NCALD: variants seen among roughly 807,000 people sequenced by gnomAD.
NCALD encodes neurocalcin delta, also known as neurocalcin-delta.
A neutral mutation model predicts 18.6 loss-of-function variants in NCALD; 10 were observed. That is an observed-to-expected ratio of 0.54 (90% confidence interval 0.33 to 0.91). The LOEUF (loss-of-function observed/expected upper bound fraction) is 0.91, where lower values mean the gene tolerates loss of function less well. Among genes scored for constraint, NCALD ranks in the 40% least tolerant of loss-of-function variants. The pLI, the probability that NCALD is intolerant of heterozygous loss-of-function variation, is 0.03. For synonymous variants in NCALD, 88 were observed against 87.4 expected, an observed-to-expected ratio of 1.01 and a Z score of -0.04; for missense variants, 184 against 247.6, an observed-to-expected ratio of 0.74 and a Z score of 1.72.
chr8:102,064,686 G>A (rs1322661493), intron 1 of NCALD, among the ~76,000 whole-genome samples: 2 of 152,172 alleles, frequency 1.3e-5, no homozygotes, highest in African/African-American at 4.8e-5. Flanking sequence ...GTCAAGTGCA[G>A]TGTCTACAGG....
chr8:101,812,072 C>T (rs1269457240), intron 4 of NCALD, among the ~76,000 whole-genome samples: 1 of 152,152 alleles, frequency 6.6e-6, no homozygotes, highest in African/African-American at 2.4e-5. Flanking sequence ...CCTGTTAAAC[C>T]TGCCTTGAGG....
At chr8:101,923,840 A>C (rs781202635) in intron 2 of NCALD, among the ~76,000 whole-genome samples, 1 of 152,198 alleles carries the variant, frequency 6.6e-6, no homozygotes, top group Admixed American at 6.5e-5. Flanking sequence ...TGTAACATGG[A>C]ATATTTGAGC....
At chr8:101,787,512 T>C (rs930667852) in intron 1 of NCALD, among the ~76,000 whole-genome samples, 4 of 152,258 alleles carry the variant, frequency 2.6e-5, no homozygotes, top group African/African-American at 9.6e-5. Context: ...ACATTCTGAA[T>C]ATAGGGCTGT....
At chr8:101,946,529 G>T (rs947547657) in intron 2 of NCALD, among the ~76,000 whole-genome samples, 2 of 152,010 alleles carry the variant, frequency 1.3e-5, no homozygotes, top group Non-Finnish European at 2.9e-5. Flanking sequence ...TAACATGTCA[G>T]AACGGTATCT....
intron 3 of NCALD, among the ~76,000 whole-genome samples, chr8:101,891,844 C>T (rs1816905438): frequency 6.6e-6 from 1 of 152,226 alleles, no homozygotes; most frequent in South Asian, 2.1e-4. Flanking sequence ...ATATCCCACA[C>T]CTGGCTCGGA....
chr8:102,117,082 G>A (rs888836962), intron 1 of NCALD, among the ~76,000 whole-genome samples: 5 of 152,150 alleles, frequency 3.3e-5, no homozygotes, highest in Non-Finnish European at 7.3e-5. Flanking sequence ...GGATGAAGTC[G>A]CCCCTAGAAT....
At chr8:101,750,172 G>A (rs1810592886) in intron 1 of NCALD, 1 of 152,100 alleles carries the variant, frequency 6.6e-6, no homozygotes. Flanking sequence ...ACTGTAACGA[G>A]AACAGAATGA....
At chr8:102,060,803 A>G (rs1446492654) in intron 1 of NCALD, among the ~76,000 whole-genome samples, 2 of 152,236 alleles carry the variant, frequency 1.3e-5, no homozygotes, top group East Asian at 3.8e-4. Context: ...CTTCACCAGA[A>G]GTAAAACATT....
At chr8:101,722,016 A>AT (rs1217437185) in intron 1 of NCALD, among the ~76,000 whole-genome samples, 1 of 151,894 alleles carries the variant, frequency 6.6e-6, no homozygotes, top group Non-Finnish European at 1.5e-5. Flanking sequence ...TAAATTTTTT[A>AT]TTTTTTGTAG....
Position 101,892,289 on chromosome 8 carries a change from T to G in NCALD, c.-106-5062A>C, listed in dbSNP as rs1816935562. On this transcript the variant is annotated intron_variant, in intron 3 of 6. Transcript: ENST00000311028. The stretch of plus-strand genomic sequence containing the variant: ...ACACGGCAGGGTATTCCAACAGACC[T>G]GCAGCTGAGGGTCCTGTCTGTTAGA... Among the ~76,000 whole-genome samples the G allele has an allele frequency of 1.4e-5, 2 of 145,882 alleles. 1 individual carries two copies. The highest frequency in any genetic ancestry group is 4.3e-4 in the South Asian group (2 of 4,642).
intron 1 of NCALD, among the ~76,000 whole-genome samples, chr8:102,038,988 A>G (rs35793392): frequency 0.13 from 19,749 of 152,176 alleles, 1,401 homozygotes; most frequent in African/African-American, 0.18. Flanking sequence ...GCAAGGAATC[A>G]CAGGAGCCCT....
At chr8:101,753,322 A>G (rs1010561496) in intron 1 of NCALD, among the ~76,000 whole-genome samples, 4 of 152,208 alleles carry the variant, frequency 2.6e-5, no homozygotes, top group Non-Finnish European at 5.9e-5. Flanking sequence ...AGATATTGAG[A>G]ACCTGGACAA....
At position 101,687,751 on chromosome 8, in the gene NCALD, T is replaced by G. The variant is rs1814530661; in HGVS notation, c.*1558A>C. 1 of 152,224 alleles carries G rather than the reference T, an allele frequency of 6.6e-6. No individual in the cohort carries two copies. The highest frequency in any genetic ancestry group is 6.5e-5 in the Admixed American group (1 of 15,272). 9.4% of individuals were successfully genotyped at this position (152,224 alleles called of 1,614,324 possible). ...AACCTTGAGAATTTGGGCCTCCCTT[T>G]GCTAACTACTTGCAAGAGTATGACT... On this transcript the variant is annotated 3_prime_UTR_variant, in exon 4 of 4. Coordinates refer to ENST00000220931, the MANE Select transcript of NCALD (RefSeq NM_032041.3).
chr8:101,747,981 G>C (rs1304813185), intron 1 of NCALD, among the ~76,000 whole-genome samples: 1 of 152,164 alleles, frequency 6.6e-6, no homozygotes, highest in African/African-American at 2.4e-5. Flanking sequence ...GCCTCCCAAA[G>C]TGCTGGGATT....
intron 2 of NCALD, among the ~76,000 whole-genome samples, chr8:102,004,074 A>C (rs1474131197): frequency 6.6e-6 from 1 of 151,336 alleles, no homozygotes; most frequent in Non-Finnish European, 1.5e-5. Flanking sequence ...AATTAGGAAA[A>C]GAGGAAGTCA....
chr8:102,003,138 C>A (rs1353069591), intron 2 of NCALD, among the ~76,000 whole-genome samples: 7 of 151,838 alleles, frequency 4.6e-5, no homozygotes, highest in African/African-American at 1.7e-4. Flanking sequence ...ACTAGCAAGA[C>A]TAATAAAGAA....
chr8:101,791,753 C>T (rs1812454740), upstream of NCALD, among the ~76,000 whole-genome samples: 1 of 152,108 alleles, frequency 6.6e-6, no homozygotes, highest in African/African-American at 2.4e-5. Flanking sequence ...GCTTTGGGGC[C>T]ATACGGGTGC....
At chr8:101,810,831 G>C (rs1160336697) in intron 4 of NCALD, among the ~76,000 whole-genome samples, 1 of 151,818 alleles carries the variant, frequency 6.6e-6, no homozygotes, top group East Asian at 1.9e-4. Context: ...ATAAATCAAT[G>C]TTCTAACACT....
At chr8:102,000,161 G>A (rs569494861) in intron 2 of NCALD, among the ~76,000 whole-genome samples, 25 of 152,170 alleles carry the variant, frequency 1.6e-4, no homozygotes, top group Non-Finnish European at 3.5e-4. Flanking sequence ...CTGGAAAATC[G>A]GGTCACTCCC....
Sources: gnomAD v4.1 joint callset for allele counts (sites outside exome capture counted in the v4.1 genomes callset) on GRCh38, gnomAD v4.1.1 for gene constraint, MANE v1.5 for transcripts, NCBI Gene and HGNC (gene_info 2026-07-23, HGNC 2026-07-21) for gene names.